The following PTMA variants were observed in gnomAD, a reference collection of about 807,000 sequenced individuals.
The protein encoded by PTMA is prothymosin alpha, also known as gene sequence 28.
Under a neutral mutation model 16.9 loss-of-function variants are expected in PTMA, and 4 were observed. The ratio of observed to expected loss-of-function variants is 0.24; its 90% CI spans 0.12 to 0.54. The LOEUF is 0.54. Among genes scored for constraint, PTMA ranks in the 20% least tolerant of loss-of-function variants. The pLI, the probability that PTMA is intolerant of heterozygous loss-of-function variation, is 0.95. For missense variants in PTMA, 120 were observed against 137.7 expected, an observed-to-expected ratio of 0.87 and a Z score of 0.64; for synonymous variants, 58 against 47.9, an observed-to-expected ratio of 1.21 and a Z score of -0.87.
intron 1 of PTMA, among the ~76,000 whole-genome samples, chr2:231,709,214 C>T (rs1009101887): frequency 2.6e-5 from 4 of 152,192 alleles, no homozygotes; most frequent in Admixed American, 2.6e-4. Context: ...CCGCGCTGCT[C>T]TTTGTTCGGC....
chr2:231,708,789 CG>C, intron 1 of PTMA, 38 bp downstream of exon 1: 1 of 1,592,718 alleles, frequency 6.3e-7, no homozygotes, highest in South Asian at 1.1e-5. Context: ...GGGGTCCGCG[CG>C]CCGCCGCTCG....
intron 1 of PTMA, chr2:231,710,229 G>A (rs868515182): frequency 1.0e-5 from 14 of 1,340,484 alleles, no homozygotes; most frequent in Middle Eastern, 5.5e-4. Context: ...GTCGAGTCGA[G>A]AGCCCGGCCG....
In PTMA at chr2:231,708,654, G is replaced by C. The variant is rs2048471586; in HGVS notation, c.-53G>C. ...CGGCAGCTTTATCGCCAGAGTCCCTGAACTCTCGCTTTCTTTTTAATCCCC... is the reference window on the plus strand; with the variant it reads ...CGGCAGCTTTATCGCCAGAGTCCCTCAACTCTCGCTTTCTTTTTAATCCCC... On this transcript the variant is annotated 5_prime_UTR_variant, in exon 1 of 5. Coordinates refer to ENST00000409115, the MANE Select transcript of PTMA (RefSeq NM_002823.5). The C allele has an allele frequency of 1.2e-5, 19 of 1,596,994 alleles. No homozygotes were observed. Among genetic ancestry groups the C allele is most frequent in the Non-Finnish European group, 1.6e-5 (19 of 1,177,952 alleles).
intron 1 of PTMA, chr2:231,710,566 G>A (rs766889879): frequency 1.8e-6 from 1 of 570,062 alleles, no homozygotes; most frequent in Non-Finnish European, 3.1e-6. Flanking sequence ...GTTCCCGCAG[G>A]CCCGGACGCC....
In PTMA at chr2:231,712,946, T is replaced by C. The variant is rs1389666480; in HGVS notation, c.*95T>C. ...TCTCAGAATCTAAACGTGGTCACCT[T>C]CGAGTAGAGAGGCCCGCCCGCCCAC... is the stretch of plus-strand genomic sequence containing the variant. On this transcript the variant is annotated 3_prime_UTR_variant, in exon 5 of 5. Transcript: ENST00000409115. 12 of 1,375,714 alleles carry C rather than the reference T, an allele frequency of 8.7e-6. No homozygotes were observed. Among genetic ancestry groups the C allele is most frequent in the Non-Finnish European group, 9.9e-6 (10 of 1,010,456 alleles). 85.2% of individuals were successfully genotyped at this position (1,375,714 alleles called of 1,614,324 possible).
chr2:231,711,161 C>G (rs914478258), intron 1 of PTMA, 187 bp from the exon 2 acceptor site: 107 of 530,434 alleles, frequency 2.0e-4, no homozygotes, highest in Non-Finnish European at 3.3e-4. Context: ...ACAGATGCCC[C>G]CCGCCGGCCT....
At chr2:231,710,221 C>A (rs1162246300) in intron 1 of PTMA, 2 of 1,342,910 alleles carry the variant, frequency 1.5e-6, no homozygotes, top group South Asian at 2.0e-5. Context: ...AGTGGGGCGT[C>A]GAGTCGAGAG....
chr2:231,708,630 G>C lies in PTMA; in HGVS notation c.-77G>C. On this transcript the variant is annotated 5_prime_UTR_variant, in exon 1 of 5. Transcript: ENST00000409115. ...CGCCTCCTCCGCCGCCGCGGACTCC[G>C]GCAGCTTTATCGCCAGAGTCCCTGA... is the stretch of plus-strand genomic sequence containing the variant. 3 of 1,579,896 alleles carry C rather than the reference G, an allele frequency of 1.9e-6. No individual in the cohort carries two copies. Among genetic ancestry groups the C allele is most frequent in the Non-Finnish European group, 2.6e-6 (3 of 1,164,728 alleles).
At chr2:231,711,696 T>C in intron 2 of PTMA, 194 bp from the exon 3 acceptor site, 1 of 1,060,144 alleles carries the variant, frequency 9.4e-7, no homozygotes, top group Non-Finnish European at 1.3e-6. Context: ...GCCCTTGTCC[T>C]GGGGCAGTTA....
chr2:231,710,816 G>C (rs1415254263), intron 1 of PTMA: 10 of 308,674 alleles, frequency 3.2e-5, no homozygotes, highest in South Asian at 2.4e-4. Flanking sequence ...GTGTGCTTTG[G>C]CTTTTTTAGA....
intron 1 of PTMA, chr2:231,710,539 C>T (rs1009886225): frequency 1.0e-4 from 72 of 703,974 alleles, no homozygotes; most frequent in Non-Finnish European, 1.4e-4. Flanking sequence ...AGCCGCTCGC[C>T]GGACAGCGGC....
chr2:231,713,422 T>A lies in PTMA; in HGVS notation c.*571T>A, dbSNP rs1203457785. ...AAGGCCAAAGATAAAAGGTTTCTTT[T>A]TTTTTCCTTTTTTGTCTATGAAGTT... On this transcript the variant is annotated 3_prime_UTR_variant, in exon 5 of 5. Transcript: ENST00000409115. The A allele has an allele frequency of 2.0e-6, 1 of 511,084 alleles. No homozygotes were observed. Among genetic ancestry groups the A allele is most frequent in the Non-Finnish European group, 3.9e-6 (1 of 253,366 alleles). 31.7% of individuals were successfully genotyped at this position (511,084 alleles called of 1,614,324 possible).
At chr2:231,711,264 C>G in intron 1 of PTMA, 84 bp from the exon 2 acceptor site, 1 of 1,102,122 alleles carries the variant, frequency 9.1e-7, no homozygotes, top group Non-Finnish European at 1.4e-6. Context: ...AACAGCCGTA[C>G]AGACCAGTAG....
At chr2:231,710,389 GATGCGCGCCTGC>G in intron 1 of PTMA, 1 of 1,176,274 alleles carries the variant, frequency 8.5e-7, no homozygotes, top group Non-Finnish European at 1.1e-6. Flanking sequence ...CCGGGCGGGG[GATGCGCGCCTGC>G]GCGCCGCGAC....
rs964037084 is a variant in PTMA at position 231,711,032 on chromosome 2, C to G, written c.46-316C>G. 1.1e-5 allele frequency: 3 copies of G among 273,858 alleles called. No homozygotes were observed. The South Asian group carries it at 1.4e-4, about 13-fold the overall frequency. 17.0% of individuals were successfully genotyped at this position (273,858 alleles called of 1,614,324 possible). On this transcript the variant is annotated intron_variant, in intron 1 of 4. Coordinates refer to ENST00000409115, the MANE Select transcript of PTMA (RefSeq NM_002823.5). ...GAGTGTCCGGGGCTCGTCCACCCGG[C>G]CGGACGGGCTGGGGGCTGTGGCGCC...
In PTMA at chr2:231,708,568, A is replaced by T. The variant is rs1382935388; in HGVS notation, c.-139A>T. On this transcript the variant is annotated 5_prime_UTR_variant, in exon 1 of 5. Transcript: ENST00000409115. ...AAAAGCCATCTTTGCATTGTTCCTC[A>T]TCCGCCTCCTTGCTCGCCGCAGCCG... is the stretch of plus-strand genomic sequence containing the variant. 30 of 984,274 alleles carry T rather than the reference A, an allele frequency of 3.0e-5. No homozygotes were observed. Among genetic ancestry groups the T allele is most frequent in the South Asian group, 2.9e-4 (22 of 76,474 alleles). The allele number at this position is 984,274 out of a possible 1,614,324, so 61.0% of individuals were successfully genotyped here.
chr2:231,711,821 C>T (rs995219648), intron 2 of PTMA, 69 bp from the exon 3 acceptor site: 3 of 1,581,548 alleles, frequency 1.9e-6, no homozygotes, highest in African/African-American at 2.7e-5. Context: ...GGAGGCCGGG[C>T]ATCAGGAGCA....
At position 231,713,455 on chromosome 2, in the gene PTMA, A is replaced by G. The variant is rs1232309526; in HGVS notation, c.*604A>G. ...TTTTTTGTCTATGAAGTTGCTGTTT[A>G]TTTTTTTTGGCCTGTTTGATGTATG... On this transcript the variant is annotated 3_prime_UTR_variant, in exon 5 of 5. Coordinates refer to ENST00000409115, the MANE Select transcript of PTMA (RefSeq NM_002823.5). 5 of 489,966 alleles carry G rather than the reference A, an allele frequency of 1.0e-5. No individual in the cohort carries two copies. The highest frequency in any genetic ancestry group is 1.6e-5 in the Non-Finnish European group (4 of 244,206). 30.4% of individuals were successfully genotyped at this position (489,966 alleles called of 1,614,324 possible). A position where few individuals can be genotyped will look rare whatever the true frequency, so the allele number is the denominator to read the frequency against.
chr2:231,710,065 G>C, intron 1 of PTMA: 20 of 1,228,590 alleles, frequency 1.6e-5, no homozygotes, highest in Non-Finnish European at 1.9e-5. Context: ...GCACCAAAAG[G>C]TGACTTCCCG....
Sources: gnomAD v4.1 joint callset for allele counts (sites outside exome capture counted in the v4.1 genomes callset) on GRCh38, gnomAD v4.1.1 for gene constraint, MANE v1.5 for transcripts, NCBI Gene and HGNC (gene_info 2026-07-23, HGNC 2026-07-21) for gene names.